LPXN: variants seen among roughly 807,000 people sequenced by gnomAD.
LPXN encodes the protein leupaxin.
Under a neutral mutation model 45.6 loss-of-function variants are expected in LPXN, and 28 were observed. That is an observed-to-expected ratio of 0.61 (90% confidence interval 0.45 to 0.84). The LOEUF is 0.84. LPXN is among the 40% of genes least tolerant of loss of function. LPXN has a pLI of 0.00. For synonymous variants in LPXN, 166 were observed against 169.9 expected (o/e 0.98, Z 0.18); for missense variants, 459 against 475.0 (o/e 0.97, Z 0.31).
At chr11:58,546,695 T>A (rs1225734483) in intron 7 of LPXN, among the ~76,000 whole-genome samples, 4 of 152,172 alleles carry the variant, frequency 2.6e-5, no homozygotes, top group Admixed American at 6.5e-5. Flanking sequence ...GAGTTTGCAA[T>A]TAGCATTTTA....
intron 4 of LPXN, among the ~76,000 whole-genome samples, chr11:58,554,338 CAAAT>C (rs376292820): frequency 1.3e-5 from 2 of 151,524 alleles, no homozygotes; most frequent in African/African-American, 2.4e-5. Context: ...AACAAACAAA[CAAAT>C]GAAAAATCCT....
chr11:58,551,989 G>A (rs1854066088), intron 4 of LPXN, among the ~76,000 whole-genome samples: 1 of 152,174 alleles, frequency 6.6e-6, no homozygotes, highest in South Asian at 2.1e-4. Context: ...GATTGAACAC[G>A]GCAGGAGAAG....
chr11:58,556,641 T>C (rs576491005), intron 3 of LPXN, among the ~76,000 whole-genome samples: 35 of 152,118 alleles, frequency 2.3e-4, no homozygotes, highest in Middle Eastern at 3.4e-3. Context: ...TGAACAACCA[T>C]TGGAATGAAT....
intron 7 of LPXN, among the ~76,000 whole-genome samples, chr11:58,532,904 A>G (rs1007042328): frequency 1.3e-5 from 2 of 152,156 alleles, no homozygotes; most frequent in African/African-American, 4.8e-5. Context: ...TGCCTTTATG[A>G]GCTGTAACAC....
intron 7 of LPXN, among the ~76,000 whole-genome samples, chr11:58,529,106 A>G (rs1407166331): frequency 6.6e-6 from 1 of 152,132 alleles, no homozygotes; most frequent in Non-Finnish European, 1.5e-5. Flanking sequence ...TTTAATCTGG[A>G]AACAGAAAAA....
At position 58,575,667 on chromosome 11, in the gene LPXN, C is replaced by A. The variant is rs1565208834; in HGVS notation, c.13+93G>T. ...GTGAAAATAAAATCTTCCATTACTA[C>A]CCTCAGTCTAGCCAGAAGTATACCC... On this transcript the variant is annotated intron_variant, in intron 1 of 8. Transcript: ENST00000395074. 2.2e-6 allele frequency: 3 copies of A among 1,364,252 alleles called. No individual in the cohort carries two copies. In the African/African-American group the frequency reaches 4.3e-5, roughly 19 times the overall value. 84.5% of individuals were successfully genotyped at this position (1,364,252 alleles called of 1,614,324 possible).
chr11:58,576,315 G>T (rs1854890187), upstream of LPXN, among the ~76,000 whole-genome samples: 2 of 152,050 alleles, frequency 1.3e-5, no homozygotes, highest in South Asian at 4.1e-4. Flanking sequence ...TTCCTGCATG[G>T]AACGTAAATC....
At chr11:58,531,852 T>C (rs1329797413) in intron 7 of LPXN, among the ~76,000 whole-genome samples, 3 of 152,240 alleles carry the variant, frequency 2.0e-5, no homozygotes, top group Admixed American at 1.3e-4. Flanking sequence ...CTGGCCACGC[T>C]TGAGGAGCCC....
At chr11:58,536,993 T>C (rs1192949279) in intron 7 of LPXN, among the ~76,000 whole-genome samples, 2 of 152,124 alleles carry the variant, frequency 1.3e-5, no homozygotes, top group East Asian at 1.9e-4. Context: ...AAGGCGATCA[T>C]TAAAAAGTCA....
intron 1 of LPXN, among the ~76,000 whole-genome samples, chr11:58,575,281 C>T (rs2134368167): frequency 6.6e-6 from 1 of 152,172 alleles, no homozygotes; most frequent in African/African-American, 2.4e-5. Flanking sequence ...ACAAATGAAA[C>T]CACTCTGGCC....
rs535329068 is a variant in LPXN, at chr11:58,530,233, G to C, written c.743-2042C>G. 2.0e-5 allele frequency among the ~76,000 whole-genome samples: 3 copies of C among 152,340 alleles called. No individual in the cohort carries two copies. In the South Asian group the frequency reaches 6.2e-4, roughly 32 times the overall value. On this transcript the variant is annotated intron_variant, in intron 7 of 8. Coordinates refer to ENST00000395074, the MANE Select transcript of LPXN (RefSeq NM_004811.3). ...TCCCCTGGAAAGGGGGCTTAAGCCA[G>C]GGAGCCAAGTGGCCTGGCTCGGTAG...
intron 7 of LPXN, among the ~76,000 whole-genome samples, chr11:58,547,122 GGCTGAAAGAGCCTATGGCA>G (rs1245661479): frequency 6.6e-6 from 1 of 152,122 alleles, no homozygotes; most frequent in Admixed American, 6.5e-5. Flanking sequence ...AGATGAGTCT[GGCTGAAAGAGCCTATGGCA>G]GCTGAATAGA....
chr11:58,561,201 A>G (rs1356029133), intron 3 of LPXN, among the ~76,000 whole-genome samples: 1 of 152,200 alleles, frequency 6.6e-6, no homozygotes, highest in African/African-American at 2.4e-5. Flanking sequence ...CTTTCACTTA[A>G]TATATTTTCA....
intron 7 of LPXN, among the ~76,000 whole-genome samples, chr11:58,541,895 A>G (rs1223068044): frequency 3.9e-5 from 6 of 152,166 alleles, no homozygotes; most frequent in Non-Finnish European, 8.8e-5. Flanking sequence ...TTGTAGGGAC[A>G]TGGATGAAAT....
At position 58,527,626 on chromosome 11, in the gene LPXN, T is replaced by C. The variant is rs1406500118; in HGVS notation, c.989A>G (p.His330Arg). 1.2e-6 allele frequency: 2 copies of C among 1,614,048 alleles called. No individual in the cohort carries two copies. The highest frequency in any genetic ancestry group is 1.3e-5 in the African/African-American group (1 of 74,906). The change falls in exon 9 of 9, where the codon CAT becomes CGT. Residue 330 changes from histidine to arginine, a missense_variant. Coordinates refer to ENST00000395074, the MANE Select transcript of LPXN (RefSeq NM_004811.3). ...HYHHRRGTLC[H>R]GCGQPITGRC... Reference sequence around the variant, plus strand: ...GCCAGTGATGGGCTGCCCACACCCATGGCAGAGCGTTCCCCGGCGGTGATG... The same window carrying C: ...GCCAGTGATGGGCTGCCCACACCCACGGCAGAGCGTTCCCCGGCGGTGATG...
At chr11:58,564,772 T>G (rs879926985) in intron 2 of LPXN, among the ~76,000 whole-genome samples, 2 of 152,180 alleles carry the variant, frequency 1.3e-5, no homozygotes, top group East Asian at 3.8e-4. Context: ...GAAATTGGTA[T>G]GTAAAAGTAA....
At chr11:58,533,015 C>T (rs917313969) in intron 7 of LPXN, among the ~76,000 whole-genome samples, 4 of 151,728 alleles carry the variant, frequency 2.6e-5, no homozygotes, top group East Asian at 3.9e-4. Context: ...CAACTCCAGA[C>T]GCACCGCCTT....
chr11:58,564,208 TATATAAGTGACA>T lies in LPXN; in HGVS notation c.172-19_172-8del, dbSNP rs770408531. ...TAGTATACACGAGCTGCGCCTAAGATATATAAGTGACAAGAGAAGAGCAAAGAATAAATTTTT... is the reference window on the plus strand; with the variant it reads ...TAGTATACACGAGCTGCGCCTAAGATAGAGAAGAGCAAAGAATAAATTTTT... On this transcript the variant is annotated splice_polypyrimidine_tract_variant and splice_region_variant and intron_variant, in intron 2 of 8. Transcript: ENST00000395074. The T allele has an allele frequency of 5.6e-6, 9 of 1,595,460 alleles. No individual in the cohort carries two copies. The East Asian group carries it at 2.0e-4, about 36-fold the overall frequency.
chr11:58,553,441 A>AT (rs750113581), intron 4 of LPXN, among the ~76,000 whole-genome samples: 1 of 152,138 alleles, frequency 6.6e-6, no homozygotes, highest in African/African-American at 2.4e-5. Flanking sequence ...TCTAATGTAC[A>AT]TTTTTTCTAG....
Sources: allele counts gnomAD v4.1 joint callset (sites outside exome capture counted in the v4.1 genomes callset), GRCh38; gene constraint gnomAD v4.1.1; transcripts MANE v1.5; gene names NCBI Gene and HGNC (gene_info 2026-07-23, HGNC 2026-07-21).